DPYD: variants seen among roughly 807,000 people sequenced by gnomAD.
DPYD encodes the protein dihydropyrimidine dehydrogenase [NADP(+)].
DPYD carries 109 observed loss-of-function variants against 116.2 expected under a neutral mutation model. The observed-to-expected ratio is 0.94, with a 90% CI of 0.80 to 1.10. The LOEUF (loss-of-function observed/expected upper bound fraction) is 1.10, where lower values mean the gene tolerates loss of function less well. Among genes scored for constraint, DPYD ranks in the 50% least tolerant of loss-of-function variants. DPYD has a pLI of 0.00. For missense variants in DPYD, 1,302 were observed against 1,254.5 expected, an observed-to-expected ratio of 1.04 and a Z score of -0.57; for synonymous variants, 440 against 432.0, an observed-to-expected ratio of 1.02 and a Z score of -0.23.
At chr1:97,615,981 C>G (rs541492685) in intron 8 of DPYD, among the ~76,000 whole-genome samples, 1 of 152,084 alleles carries the variant, frequency 6.6e-6, no homozygotes, top group South Asian at 2.1e-4. Flanking sequence ...CCTTATGAAG[C>G]ATATGATACG....
Position 97,540,142 on chromosome 1 carries a change from T to A in DPYD, c.1524+9418A>T, listed in dbSNP as rs531086557. Among the ~76,000 whole-genome samples the A allele has an allele frequency of 4.7e-5, 7 of 148,908 alleles. 1 individual carries two copies. In the South Asian group the frequency reaches 1.5e-3, roughly 32 times the overall value. On this transcript the variant is annotated intron_variant, in intron 12 of 22. Transcript: ENST00000370192. ...AATTCTGACACTATCTACCTGATGA[T>A]AGCACCAGTTCCTACAGGTTGAGAG...
chr1:97,385,035 G>T (rs1672245488), intron 14 of DPYD, among the ~76,000 whole-genome samples: 1 of 151,840 alleles, frequency 6.6e-6, no homozygotes, highest in Non-Finnish European at 1.5e-5. Context: ...TTGTTCCATG[G>T]CCTTTTCCCT....
chr1:97,482,263 C>G (rs1678364842), intron 13 of DPYD, among the ~76,000 whole-genome samples: 1 of 152,154 alleles, frequency 6.6e-6, no homozygotes, highest in Admixed American at 6.5e-5. Flanking sequence ...TCTTATTCCT[C>G]CTTTAAAGTG....
intron 8 of DPYD, among the ~76,000 whole-genome samples, chr1:97,651,184 C>T (rs1658560528): frequency 6.6e-6 from 1 of 152,044 alleles, no homozygotes; most frequent in East Asian, 1.9e-4. Flanking sequence ...GGATATGTTA[C>T]ACCACATTAA....
chr1:97,609,884 C>T (rs1655826961), intron 8 of DPYD, among the ~76,000 whole-genome samples: 1 of 151,946 alleles, frequency 6.6e-6, no homozygotes, highest in South Asian at 2.1e-4. Flanking sequence ...ACCTACACTA[C>T]ATTTTGGAAT....
intron 13 of DPYD, among the ~76,000 whole-genome samples, chr1:97,491,121 CT>C (rs1407341656): frequency 6.9e-6 from 1 of 144,424 alleles, no homozygotes; most frequent in Non-Finnish European, 1.5e-5. Flanking sequence ...ATATATTAAC[CT>C]AATGATATAT....
chr1:97,399,332 T>C (rs1055223801), intron 14 of DPYD, among the ~76,000 whole-genome samples: 2 of 152,110 alleles, frequency 1.3e-5, no homozygotes, highest in African/African-American at 2.4e-5. Flanking sequence ...CAGTACCATG[T>C]TGTTTTGGTT....
At chr1:97,897,233 T>G (rs1280088839) in intron 1 of DPYD, among the ~76,000 whole-genome samples, 2 of 152,074 alleles carry the variant, frequency 1.3e-5, no homozygotes, top group Middle Eastern at 3.4e-3. Context: ...TCTTCTCACT[T>G]GCATTATTTC....
intron 5 of DPYD, among the ~76,000 whole-genome samples, chr1:97,717,604 T>G (rs1382498619): frequency 1.3e-5 from 2 of 152,026 alleles, no homozygotes; most frequent in Admixed American, 1.3e-4. Flanking sequence ...CCACCATTTC[T>G]CTTCCCCCTA....
intron 10 of DPYD, among the ~76,000 whole-genome samples, chr1:97,575,256 A>G (rs1425479280): frequency 6.6e-6 from 1 of 152,184 alleles, no homozygotes; most frequent in African/African-American, 2.4e-5. Context: ...ATGCATTTTC[A>G]AAGACAGGAA....
At chr1:97,888,982 C>A (rs1052499454) in intron 1 of DPYD, among the ~76,000 whole-genome samples, 6 of 151,936 alleles carry the variant, frequency 3.9e-5, no homozygotes, top group Admixed American at 6.6e-5. Flanking sequence ...CATGGTGAAA[C>A]CCTGTCTCTA....
intron 20 of DPYD, among the ~76,000 whole-genome samples, chr1:97,148,616 A>G (rs1452100153): frequency 1.3e-5 from 2 of 152,212 alleles, no homozygotes; most frequent in Non-Finnish European, 2.9e-5. Flanking sequence ...CATACATACC[A>G]TGACAATCTT....
intron 13 of DPYD, among the ~76,000 whole-genome samples, chr1:97,497,478 A>T (rs1428559135): frequency 1.3e-5 from 2 of 151,862 alleles, no homozygotes; most frequent in Admixed American, 1.3e-4. Flanking sequence ...GGGGAAAAAA[A>T]TATGGAAAGT....
intron 18 of DPYD, among the ~76,000 whole-genome samples, chr1:97,264,044 T>A (rs1042931340): frequency 6.6e-6 from 1 of 151,738 alleles, no homozygotes; most frequent in African/African-American, 2.4e-5. Context: ...TAAAATCAGA[T>A]CAATGCTGCA....
In DPYD at chr1:97,591,849, A is replaced by T. The variant is rs1273487346; in HGVS notation, c.1128+1369T>A. Among the ~76,000 whole-genome samples, 5 of 152,150 alleles carry T rather than the reference A, an allele frequency of 3.3e-5. 1 individual carries two copies. In the South Asian group the frequency reaches 1.0e-3, roughly 32 times the overall value. ...AAAATGTTTCTTTCTATGTGTAAAA[A>T]AAAACCATGATTACACTAATTATTG... On this transcript the variant is annotated intron_variant, in intron 10 of 22. Coordinates refer to ENST00000370192, the MANE Select transcript of DPYD (RefSeq NM_000110.4).
intron 20 of DPYD, among the ~76,000 whole-genome samples, chr1:97,127,167 G>A (rs1422365247): frequency 2.6e-5 from 4 of 152,170 alleles, no homozygotes; most frequent in Admixed American, 1.3e-4. Flanking sequence ...CATATGCAAA[G>A]TCTGGACATT....
intron 2 of DPYD, among the ~76,000 whole-genome samples, chr1:97,878,747 C>T (rs1457802509): frequency 6.6e-6 from 1 of 151,934 alleles, no homozygotes; most frequent in Admixed American, 6.6e-5. Flanking sequence ...ATATGATCAA[C>T]TCACACTGAT....
chr1:97,735,518 T>C (rs375376499), intron 4 of DPYD, among the ~76,000 whole-genome samples: 4 of 81,556 alleles, frequency 4.9e-5, no homozygotes, highest in African/African-American at 1.9e-4. Context: ...CTAATAAAAA[T>C]ACAAAAAAAA....
chr1:97,693,528 T>C (rs1035029071), intron 6 of DPYD, among the ~76,000 whole-genome samples: 1 of 152,048 alleles, frequency 6.6e-6, no homozygotes, highest in African/African-American at 2.4e-5. Context: ...CAAGAAGGTT[T>C]TCCCTTCAAA....
Sources: gnomAD v4.1 joint callset for allele counts (sites outside exome capture counted in the v4.1 genomes callset) on GRCh38, gnomAD v4.1.1 for gene constraint, MANE v1.5 for transcripts, NCBI Gene and HGNC (gene_info 2026-07-23, HGNC 2026-07-21) for gene names.